TRRAP: variants seen among roughly 807,000 people sequenced by gnomAD.
TRRAP encodes the protein transformation/transcription domain associated protein.
TRRAP carries 41 observed loss-of-function variants against 438.8 expected under a neutral mutation model. That is an observed-to-expected ratio of 0.09 (90% CI 0.07 to 0.12). The LOEUF (loss-of-function observed/expected upper bound fraction) is 0.12, where lower values mean the gene tolerates loss of function less well. Ranked by LOEUF, TRRAP falls within the 10% of genes least tolerant of loss-of-function variation. The probability of loss-of-function intolerance (pLI) is 1.00; values close to 1 mark genes in which losing one functional copy is unlikely to be tolerated. For synonymous variants in TRRAP, 1,994 were observed against 1,962.9 expected (o/e 1.02, Z -0.42); for missense variants, 3,122 against 5,055.1 (o/e 0.62, Z 11.60).
chr7:98,999,012 C>G (rs1399381802), intron 67 of TRRAP: 1 of 700,574 alleles, frequency 1.4e-6, no homozygotes, highest in African/African-American at 1.8e-5. Flanking sequence ...GGGGGCAGCA[C>G]ACCACATCTG....
In TRRAP at chr7:98,897,652, C is replaced by T. The variant is rs563967959; in HGVS notation, c.508-89C>T. 65 of 1,459,030 alleles carry T rather than the reference C, an allele frequency of 4.5e-5. 1 individual carries two copies. The South Asian group carries it at 7.0e-4, about 16-fold the overall frequency. The allele number at this position is 1,459,030 out of a possible 1,614,324, so 90.4% of individuals were successfully genotyped here. A position where few individuals can be genotyped will look rare whatever the true frequency, so the allele number is the denominator to read the frequency against. ...TGTTTTTTTCCACCAAAGAGTCAAG[C>T]GTCTTTTTGTTTTGTTTTGTTTTGT... On this transcript the variant is annotated intron_variant, in intron 7 of 72. Coordinates refer to ENST00000456197, the MANE Select transcript of TRRAP (RefSeq NM_001375524.1).
rs201758042 is a variant in TRRAP at position 98,916,495 on chromosome 7, A to G, written c.2365+607A>G. ...TGGTATGGTGAGCTCTTGGCAAGGG[A>G]TTGACCCTTCTCATGTATTTCCTTA... On this transcript the variant is annotated intron_variant, in intron 19 of 72. Transcript: ENST00000456197. Among the ~76,000 whole-genome samples, 5 of 152,292 alleles carry G rather than the reference A, an allele frequency of 3.3e-5. No individual in the cohort carries two copies. In the East Asian group the frequency reaches 7.7e-4, roughly 24 times the overall value.
intron 22 of TRRAP, 69 bp downstream of exon 22, chr7:98,925,332 T>C: frequency 6.4e-7 from 1 of 1,562,058 alleles, no homozygotes; most frequent in Non-Finnish European, 8.7e-7. Flanking sequence ...GCAGAGGGCC[T>C]CCCAGGTTTC....
rs373419522 is a variant in TRRAP at position 98,981,004 on chromosome 7, CA to C, written c.8635-764del. Among the ~76,000 whole-genome samples, 809 of 152,294 alleles carry C rather than the reference CA, an allele frequency of 5.3e-3. 3 individuals carry two copies. Among genetic ancestry groups the C allele is most frequent in the African/African-American group, 0.017 (715 of 41,562 alleles). On this transcript the variant is annotated intron_variant, in intron 58 of 72. Transcript: ENST00000456197. ...TGGAGGGGCTGTAGTGTGCTATGAG[CA>C]TGACCCTGCAGTCTAGCTTGAACGA...
At chr7:98,899,257 G>A (rs1554406257) in intron 8 of TRRAP, among the ~76,000 whole-genome samples, 165 bp from the exon 9 acceptor site, 1 of 152,136 alleles carries the variant, frequency 6.6e-6, no homozygotes, top group Non-Finnish European at 1.5e-5. Flanking sequence ...TTTCAACATA[G>A]TTTGGATCTT....
chr7:98,998,432 A>G (rs2116832024), intron 67 of TRRAP: 1 of 154,888 alleles, frequency 6.5e-6, no homozygotes, highest in East Asian at 1.9e-4. Flanking sequence ...ACACAGGAAG[A>G]GTGAATGAAT....
At chr7:98,953,494 C>T (rs1176640804) in intron 40 of TRRAP, 61 bp downstream of exon 40, 63 of 1,580,814 alleles carry the variant, frequency 4.0e-5, no homozygotes, top group Non-Finnish European at 5.4e-5. Flanking sequence ...GTGCACTTGG[C>T]TCCCTGGTGC....
rs1554405994 is a variant in TRRAP at position 98,897,731 on chromosome 7, TTTTA to T, written c.508-8_508-5del. ...CTTTAGGAAAAAATATTTTTATGAC[TTTTA>T]TGTAGAACCGCTACTTTGAGAACCC... On this transcript the variant is annotated splice_region_variant and splice_polypyrimidine_tract_variant and intron_variant, in intron 7 of 72. Coordinates refer to ENST00000456197, the MANE Select transcript of TRRAP (RefSeq NM_001375524.1). 6.2e-7 allele frequency: 1 copy of T among 1,610,702 alleles called. No individual in the cohort carries two copies. Among genetic ancestry groups the T allele is most frequent in the Non-Finnish European group, 8.5e-7 (1 of 1,178,946 alleles).
chr7:98,978,143 A>T, intron 56 of TRRAP, 68 bp from the exon 57 acceptor site: 2 of 1,408,580 alleles, frequency 1.4e-6, no homozygotes, highest in South Asian at 1.2e-5. Context: ...TCTAAGTTTT[A>T]AATTTAAAAA....
intron 3 of TRRAP, among the ~76,000 whole-genome samples, chr7:98,887,864 A>G (rs117170040): frequency 0.017 from 2,620 of 152,064 alleles, 39 homozygotes; most frequent in Non-Finnish European, 0.025. Context: ...ACAACTCCAG[A>G]TCTTTCTCTT....
At chr7:98,957,887 G>A in intron 43 of TRRAP, 94 bp from the exon 44 acceptor site, 3 of 1,038,738 alleles carry the variant, frequency 2.9e-6, no homozygotes, top group African/African-American at 1.6e-5. Flanking sequence ...TCCCCGGGAG[G>A]TACCGCATAC....
At chr7:98,955,373 CTTG>C in intron 41 of TRRAP, 69 bp downstream of exon 41, 1 of 1,461,676 alleles carries the variant, frequency 6.8e-7, no homozygotes, top group Non-Finnish European at 9.2e-7. Context: ...TTTACCTTGT[CTTG>C]TTCTGCAATA....
At chr7:98,911,048 C>T in intron 16 of TRRAP, 29 bp from the exon 17 acceptor site, 1 of 1,603,904 alleles carries the variant, frequency 6.2e-7, no homozygotes, top group Non-Finnish European at 8.5e-7. Flanking sequence ...GTTTTAATGC[C>T]TGTGGGCGGC....
intron 62 of TRRAP, among the ~76,000 whole-genome samples, chr7:98,987,276 CAG>C (rs1156275229): frequency 2.6e-5 from 4 of 152,180 alleles, no homozygotes; most frequent in African/African-American, 9.7e-5. Context: ...GGAATTACGA[CAG>C]AGATTGCATT....
chr7:98,954,983 G>A (rs1791529699), intron 40 of TRRAP, 115 bp from the exon 41 acceptor site: 6 of 1,075,672 alleles, frequency 5.6e-6, no homozygotes, highest in Non-Finnish European at 7.9e-6. Context: ...AAAGTCCTAA[G>A]AAGTTTTTAA....
chr7:98,881,888 C>G (rs907520108), intron 2 of TRRAP, 87 bp from the exon 3 acceptor site: 92 of 1,439,020 alleles, frequency 6.4e-5, no homozygotes, highest in Non-Finnish European at 7.5e-5. Context: ...CTGATTGCTT[C>G]TCTTAAATTA....
intron 18 of TRRAP, among the ~76,000 whole-genome samples, chr7:98,913,421 T>C (rs1400332064): frequency 2.0e-5 from 3 of 151,988 alleles, no homozygotes; most frequent in African/African-American, 7.3e-5. Context: ...CGCCAGTAAC[T>C]GGGATTATAG....
intron 12 of TRRAP, among the ~76,000 whole-genome samples, chr7:98,904,691 CT>C (rs1289549756): frequency 6.6e-6 from 1 of 151,880 alleles, no homozygotes; most frequent in African/African-American, 2.4e-5. Context: ...TTAGTCTTCC[CT>C]TTTTTAAAAC....
chr7:98,992,005 A>G lies in TRRAP; in HGVS notation c.9757-132A>G, dbSNP rs989596723. ...TTGTGCGTCAGATCAGTGCTGCAGT[A>G]TTTGCTTCCTTGGTCCAAAGGCAGA... On this transcript the variant is annotated intron_variant, in intron 64 of 72. Transcript: ENST00000456197. The G allele has an allele frequency of 2.4e-5, 23 of 944,802 alleles. No individual in the cohort carries two copies. In the African/African-American group the frequency reaches 2.9e-4, roughly 12 times the overall value. 58.5% of individuals were successfully genotyped at this position (944,802 alleles called of 1,614,324 possible). A position where few individuals can be genotyped will look rare whatever the true frequency, so the allele number is the denominator to read the frequency against.
Sources: allele counts gnomAD v4.1 joint callset (sites outside exome capture counted in the v4.1 genomes callset), GRCh38; gene constraint gnomAD v4.1.1; transcripts MANE v1.5; gene names NCBI Gene and HGNC (gene_info 2026-07-23, HGNC 2026-07-21).